The following LRRC4C variants were observed in gnomAD, a reference collection of about 807,000 sequenced individuals.
LRRC4C encodes leucine-rich repeat-containing protein 4C.
LRRC4C carries 5 observed loss-of-function variants against 33.6 expected under a neutral mutation model. That is an observed-to-expected ratio of 0.15 (90% CI 0.08 to 0.31). LRRC4C has a LOEUF of 0.31. Ranked by LOEUF, LRRC4C falls within the 10% of genes least tolerant of loss-of-function variation. LRRC4C has a pLI of 1.00. For missense variants in LRRC4C, 560 were observed against 796.7 expected (o/e 0.70, Z 3.58); for synonymous variants, 329 against 302.0 (o/e 1.09, Z -0.93).
chr11:40,682,461 T>C (rs1335116906), intron 2 of LRRC4C, among the ~76,000 whole-genome samples: 1 of 152,154 alleles, frequency 6.6e-6, no homozygotes, highest in African/African-American at 2.4e-5. Flanking sequence ...TTTTCAATTA[T>C]GTAACACTTT....
At chr11:41,054,955 A>G (rs980635438) in intron 1 of LRRC4C, among the ~76,000 whole-genome samples, 3 of 152,212 alleles carry the variant, frequency 2.0e-5, no homozygotes, top group Non-Finnish European at 2.9e-5. Flanking sequence ...CATACCATAT[A>G]TACACAAAAA....
At chr11:40,905,143 G>A (rs951421712) in intron 2 of LRRC4C, among the ~76,000 whole-genome samples, 3 of 152,092 alleles carry the variant, frequency 2.0e-5, no homozygotes, top group African/African-American at 7.2e-5. Flanking sequence ...TGGAATAGGC[G>A]GGGAGGATTT....
At chr11:40,373,946 TA>T (rs1406557380) in intron 3 of LRRC4C, among the ~76,000 whole-genome samples, 7 of 152,198 alleles carry the variant, frequency 4.6e-5, no homozygotes, top group African/African-American at 1.4e-4. Flanking sequence ...CAACCTCAGA[TA>T]TTTCTTTATG....
chr11:40,901,502 A>C (rs1254892638), intron 2 of LRRC4C, among the ~76,000 whole-genome samples: 2 of 152,118 alleles, frequency 1.3e-5, no homozygotes, highest in Non-Finnish European at 2.9e-5. Flanking sequence ...AAAATGCATA[A>C]TTATTTGATA....
intron 4 of LRRC4C, among the ~76,000 whole-genome samples, chr11:40,261,252 C>T (rs1319825409): frequency 6.6e-6 from 1 of 152,062 alleles, no homozygotes; most frequent in South Asian, 2.1e-4. Flanking sequence ...CTGCTGAAAA[C>T]AAAAGTCGTT....
In LRRC4C at chr11:41,377,498, A is replaced by G. The variant is rs549663052; in HGVS notation, c.-496+81933T>C. ...TTATTTTTTCAAGGGGATCAGGAAA[A>G]AAACAACGATAACCGATAGATATTT... On this transcript the variant is annotated intron_variant, in intron 1 of 6. Coordinates refer to ENST00000528697, the MANE Select transcript of LRRC4C (RefSeq NM_001258419.2). Among the ~76,000 whole-genome samples, 123 of 152,320 alleles carry G rather than the reference A, an allele frequency of 8.1e-4. 1 individual carries two copies. The highest frequency in any genetic ancestry group is 8.0e-3 in the Admixed American group (122 of 15,296).
intron 1 of LRRC4C, among the ~76,000 whole-genome samples, chr11:40,952,880 ACACACACACACACACACTCTCTCT>A (rs1410822350): frequency 3.6e-5 from 4 of 110,960 alleles, no homozygotes; most frequent in East Asian, 2.8e-4. Flanking sequence ...ACACACACAC[ACACACACACACACACACTCTCTCT>A]CTCTCTCTCT....
intron 5 of LRRC4C, among the ~76,000 whole-genome samples, chr11:40,208,007 T>TA (rs1863286579): frequency 1.3e-5 from 2 of 152,172 alleles, no homozygotes; most frequent in East Asian, 3.9e-4. Flanking sequence ...TACGGGACAC[T>TA]AAGGAAACCT....
At chr11:40,755,768 A>T (rs896926635) in intron 2 of LRRC4C, among the ~76,000 whole-genome samples, 1 of 152,146 alleles carries the variant, frequency 6.6e-6, no homozygotes, top group African/African-American at 2.4e-5. Context: ...AGAAACTGGC[A>T]TGGAAATTTC....
At chr11:41,356,699 T>G (rs74751857) in intron 1 of LRRC4C, among the ~76,000 whole-genome samples, 14,149 of 152,132 alleles carry the variant, frequency 0.093, 734 homozygotes, top group South Asian at 0.19. Flanking sequence ...CTGGACTAGG[T>G]GATCTGATAT....
At chr11:40,351,975 G>A (rs1046733623) in intron 3 of LRRC4C, among the ~76,000 whole-genome samples, 3 of 151,580 alleles carry the variant, frequency 2.0e-5, no homozygotes, top group Admixed American at 1.3e-4. Context: ...TTATTCATTC[G>A]GCCACTCTAT....
chr11:41,199,633 A>G (rs974911765), intron 1 of LRRC4C, among the ~76,000 whole-genome samples: 8 of 152,140 alleles, frequency 5.3e-5, no homozygotes, highest in African/African-American at 1.9e-4. Flanking sequence ...ATTTTCACTT[A>G]GAGCATTTAA....
At chr11:40,445,270 T>A (rs1399455083) in intron 3 of LRRC4C, 1 of 152,238 alleles carries the variant, frequency 6.6e-6, no homozygotes, top group African/African-American at 2.4e-5. Flanking sequence ...ATTGCACCCC[T>A]GTGTTAACTT....
At chr11:40,881,932 C>T (rs1484655871) in intron 2 of LRRC4C, among the ~76,000 whole-genome samples, 3 of 151,940 alleles carry the variant, frequency 2.0e-5, no homozygotes, top group Non-Finnish European at 4.4e-5. Flanking sequence ...TTCAAGAATC[C>T]CCTGCTTCCA....
chr11:40,839,717 A>G (rs2135627295), intron 2 of LRRC4C, among the ~76,000 whole-genome samples: 1 of 152,314 alleles, frequency 6.6e-6, no homozygotes, highest in African/African-American at 2.4e-5. Context: ...CTTGTGGTTA[A>G]CTGATCTTCA....
At chr11:40,470,144 A>C (rs561103174) in intron 3 of LRRC4C, among the ~76,000 whole-genome samples, 6 of 152,174 alleles carry the variant, frequency 3.9e-5, no homozygotes, top group Non-Finnish European at 7.3e-5. Flanking sequence ...ACTGGTTGGC[A>C]TCTGGTGGGT....
At chr11:41,218,513 T>A (rs1947161034) in intron 1 of LRRC4C, among the ~76,000 whole-genome samples, 1 of 152,188 alleles carries the variant, frequency 6.6e-6, no homozygotes, top group Admixed American at 6.5e-5. Context: ...GCAGGGCTTT[T>A]AATGTGAATT....
intron 5 of LRRC4C, among the ~76,000 whole-genome samples, chr11:40,219,296 C>G (rs1864229688): frequency 6.6e-6 from 1 of 152,144 alleles, no homozygotes; most frequent in Non-Finnish European, 1.5e-5. Context: ...ATTTCTATCA[C>G]TGAGGAAATT....
At position 40,552,589 on chromosome 11, in the gene LRRC4C, C is replaced by T. The variant is rs191368224; in HGVS notation, c.-270+95553G>A. Among the ~76,000 whole-genome samples the T allele has an allele frequency of 2.9e-4, 44 of 152,238 alleles. No homozygotes were observed. In the East Asian group the frequency reaches 7.9e-3, roughly 27 times the overall value. ...GACATGAGGGCTTAGAGGAAACAAA[C>T]ATAAGGCCAACTTCACTCATATGTC... On this transcript the variant is annotated intron_variant, in intron 3 of 6. Transcript: ENST00000528697.
Sources: allele counts gnomAD v4.1 joint callset (sites outside exome capture counted in the v4.1 genomes callset), GRCh38; gene constraint gnomAD v4.1.1; transcripts MANE v1.5; gene names NCBI Gene and HGNC (gene_info 2026-07-23, HGNC 2026-07-21).